GABRB1: variants seen among roughly 807,000 people sequenced by gnomAD.
GABRB1 encodes gamma-aminobutyric acid type A receptor subunit beta1.
A neutral mutation model predicts 51.6 loss-of-function variants in GABRB1; 17 were observed. That is an observed-to-expected ratio of 0.33 (90% CI 0.23 to 0.49). The LOEUF (loss-of-function observed/expected upper bound fraction) is 0.49, where lower values mean the gene tolerates loss of function less well. Ranked by LOEUF, GABRB1 falls within the 20% of genes least tolerant of loss-of-function variation. The pLI, the probability that GABRB1 is intolerant of heterozygous loss-of-function variation, is 0.99. For synonymous variants in GABRB1, 247 were observed against 218.9 expected, an observed-to-expected ratio of 1.13 and a Z score of -1.14; for missense variants, 410 against 600.6, an observed-to-expected ratio of 0.68 and a Z score of 3.32.
intron 4 of GABRB1, among the ~76,000 whole-genome samples, chr4:47,200,830 C>T (rs530625172): frequency 6.6e-6 from 1 of 152,280 alleles, no homozygotes; most frequent in South Asian, 2.1e-4. Context: ...CTTGATTTAA[C>T]ATCACTCATT....
At position 47,409,593 on chromosome 4, in the gene GABRB1, T is replaced by TG. The variant is rs544870612; in HGVS notation, c.1080+2673dup. On this transcript the variant is annotated intron_variant, in intron 8 of 8. Coordinates refer to ENST00000295454, the MANE Select transcript of GABRB1 (RefSeq NM_000812.4). ...ATTCGGGGTTTATATGGGTACAGTA[T>TG]GGGGGGCATGGTGGGCCAAAAGGCA... Among the ~76,000 whole-genome samples the TG allele has an allele frequency of 3.3e-3, 509 of 152,264 alleles. 1 individual carries two copies. The highest frequency in any genetic ancestry group is 0.011 in the African/African-American group (452 of 41,542).
At chr4:47,271,416 C>G (rs1468666991) in intron 4 of GABRB1, among the ~76,000 whole-genome samples, 1 of 152,168 alleles carries the variant, frequency 6.6e-6, no homozygotes, top group Non-Finnish European at 1.5e-5. Flanking sequence ...AATGAATACT[C>G]AAATGTAATT....
At chr4:47,301,801 A>T (rs1466099684) in intron 4 of GABRB1, among the ~76,000 whole-genome samples, 1 of 152,168 alleles carries the variant, frequency 6.6e-6, no homozygotes, top group African/African-American at 2.4e-5. Context: ...AATTGGCAAA[A>T]TTGGCCAGTA....
chr4:47,090,289 A>G (rs983419931), intron 3 of GABRB1, among the ~76,000 whole-genome samples: 1 of 152,254 alleles, frequency 6.6e-6, no homozygotes, highest in African/African-American at 2.4e-5. Flanking sequence ...TTCTTACAAT[A>G]GGATTCTATT....
chr4:47,096,570 G>A (rs1464828148), intron 3 of GABRB1, among the ~76,000 whole-genome samples: 1 of 152,156 alleles, frequency 6.6e-6, no homozygotes, highest in East Asian at 1.9e-4. Flanking sequence ...AAGGAAATTT[G>A]CAGGTGTGAT....
At chr4:47,425,217 T>C (rs975728070) in intron 8 of GABRB1, among the ~76,000 whole-genome samples, 1 of 152,148 alleles carries the variant, frequency 6.6e-6, no homozygotes, top group Non-Finnish European at 1.5e-5. Context: ...GCAAAATATA[T>C]GAATGAACCT....
chr4:47,354,217 A>G (rs908425508), intron 5 of GABRB1, among the ~76,000 whole-genome samples: 1 of 152,218 alleles, frequency 6.6e-6, no homozygotes, highest in Non-Finnish European at 1.5e-5. Flanking sequence ...TTAATGGTCC[A>G]TTCATGACCA....
rs6850961 is a variant in GABRB1 at position 47,259,866 on chromosome 4, A to T, written c.462-60261A>T. 2.2e-3 allele frequency among the ~76,000 whole-genome samples: 334 copies of T among 152,274 alleles called. 1 individual carries two copies. Among genetic ancestry groups the T allele is most frequent in the Non-Finnish European group, 3.5e-3 (237 of 68,012 alleles). ...ATGAAGAAGCTAAAATGTATTCCAA[A>T]TTATAAATAATGGAAAAGAGCTTTC... On this transcript the variant is annotated intron_variant, in intron 4 of 8. Coordinates refer to ENST00000295454, the MANE Select transcript of GABRB1 (RefSeq NM_000812.4).
chr4:47,174,448 C>T (rs1442721659), intron 4 of GABRB1, among the ~76,000 whole-genome samples: 1 of 152,136 alleles, frequency 6.6e-6, no homozygotes, highest in Non-Finnish European at 1.5e-5. Context: ...ACTTCTATAA[C>T]TACTTCAACT....
intron 1 of GABRB1, among the ~76,000 whole-genome samples, chr4:47,003,587 T>C (rs755307710): frequency 1.3e-5 from 2 of 152,250 alleles, no homozygotes; most frequent in African/African-American, 2.4e-5. Context: ...CATATTGACA[T>C]TCAAGTTTCC....
chr4:47,161,574 A>C, intron 4 of GABRB1, 105 bp downstream of exon 4: 3 of 815,108 alleles, frequency 3.7e-6, no homozygotes, highest in Non-Finnish European at 5.8e-6. Flanking sequence ...ATAGATGAAT[A>C]TATAAATGGG....
chr4:47,208,928 C>T (rs1720244899), intron 4 of GABRB1, among the ~76,000 whole-genome samples: 2 of 152,004 alleles, frequency 1.3e-5, no homozygotes, highest in Non-Finnish European at 2.9e-5. Context: ...GCTTTTGGTA[C>T]TATCCGTGTT....
intron 8 of GABRB1, among the ~76,000 whole-genome samples, chr4:47,425,214 A>T (rs1482816788): frequency 2.0e-5 from 3 of 152,234 alleles, no homozygotes; most frequent in Non-Finnish European, 2.9e-5. Context: ...AAGGCAAAAT[A>T]TATGAATGAA....
chr4:47,098,777 T>G (rs756433799), intron 3 of GABRB1, among the ~76,000 whole-genome samples: 1 of 152,080 alleles, frequency 6.6e-6, no homozygotes, highest in African/African-American at 2.4e-5. Context: ...TGTACCATAT[T>G]GTGATGCCCA....
intron 3 of GABRB1, among the ~76,000 whole-genome samples, chr4:47,148,613 C>T (rs1167453138): frequency 6.6e-6 from 1 of 151,828 alleles, no homozygotes; most frequent in Admixed American, 6.6e-5. Context: ...GCCATCTTAC[C>T]AAAAGAAAAT....
At chr4:47,064,668 AAAG>A (rs1726996410) in intron 3 of GABRB1, among the ~76,000 whole-genome samples, 2 of 151,370 alleles carry the variant, frequency 1.3e-5, no homozygotes, top group African/African-American at 4.8e-5. Context: ...AAAAAAGAGA[AAAG>A]AAAAGAAAAG....
intron 5 of GABRB1, among the ~76,000 whole-genome samples, chr4:47,335,773 C>G (rs1459551545): frequency 6.6e-6 from 1 of 152,034 alleles, no homozygotes; most frequent in Non-Finnish European, 1.5e-5. Context: ...GTAGCAAAAA[C>G]TAAAGCAAAA....
chr4:47,302,468 T>G (rs1275061614), intron 4 of GABRB1, among the ~76,000 whole-genome samples: 2 of 152,122 alleles, frequency 1.3e-5, no homozygotes, highest in African/African-American at 4.8e-5. Flanking sequence ...TTATATAAGA[T>G]TCACAAATAT....
At chr4:47,051,529 C>T (rs1476883352) in intron 3 of GABRB1, among the ~76,000 whole-genome samples, 2 of 152,130 alleles carry the variant, frequency 1.3e-5, no homozygotes, top group African/African-American at 4.8e-5. Flanking sequence ...TGTAAAACAT[C>T]ATTGCTTCTC....
Sources: gnomAD v4.1 joint callset for allele counts (sites outside exome capture counted in the v4.1 genomes callset) on GRCh38, gnomAD v4.1.1 for gene constraint, MANE v1.5 for transcripts, NCBI Gene and HGNC (gene_info 2026-07-23, HGNC 2026-07-21) for gene names.